CRY2: variants seen among roughly 807,000 people sequenced by gnomAD.
CRY2 encodes cryptochrome circadian regulator 2, also known as cryptochrome-2.
Under a neutral mutation model 69.5 loss-of-function variants are expected in CRY2, and 31 were observed. That is an observed-to-expected ratio of 0.45 (90% CI 0.34 to 0.60). The LOEUF (loss-of-function observed/expected upper bound fraction) is 0.60, where lower values mean the gene tolerates loss of function less well. CRY2 is among the 20% of genes least tolerant of loss of function. CRY2 has a pLI of 0.02. For missense variants in CRY2, 606 were observed against 797.8 expected (o/e 0.76, Z 2.90); for synonymous variants, 303 against 312.2 (o/e 0.97, Z 0.31).
intron 11 of CRY2, among the ~76,000 whole-genome samples, chr11:45,877,782 G>A (rs765072485): frequency 3.3e-5 from 5 of 151,974 alleles, no homozygotes; most frequent in Admixed American, 1.3e-4. Flanking sequence ...TTCTACAGAC[G>A]CATGCCCTAG....
chr11:45,859,545 GA>G (rs5791708), intron 3 of CRY2, among the ~76,000 whole-genome samples: 28,845 of 149,592 alleles, frequency 0.19, 3,051 homozygotes, highest in Non-Finnish European at 0.24. Context: ...CTGGGTGACA[GA>G]GCAAGATCCT....
chr11:45,855,979 C>T lies in CRY2; in HGVS notation c.216-3C>T, dbSNP rs1590762582. ...ACTAACAAGGCCTGTGTGGACTCCA[C>T]AGGTTCCTACTTCAGTCTCTGGAAG... On this transcript the variant is annotated splice_polypyrimidine_tract_variant and splice_region_variant and intron_variant, in intron 1 of 11. Coordinates refer to ENST00000616080, the MANE Select transcript of CRY2 (RefSeq NM_021117.5). 6.2e-7 allele frequency: 1 copy of T among 1,612,560 alleles called. No individual in the cohort carries two copies. The highest frequency in any genetic ancestry group is 1.1e-5 in the South Asian group (1 of 91,058).
At chr11:45,854,208 A>G (rs1187057411) in intron 1 of CRY2, among the ~76,000 whole-genome samples, 1 of 152,232 alleles carries the variant, frequency 6.6e-6, no homozygotes, top group Non-Finnish European at 1.5e-5. Flanking sequence ...GGTAGATAGC[A>G]GGTGCCTCAG....
At chr11:45,862,825 A>C (rs1031173722) in intron 5 of CRY2, among the ~76,000 whole-genome samples, 1 of 152,218 alleles carries the variant, frequency 6.6e-6, no homozygotes, top group Non-Finnish European at 1.5e-5. Context: ...GGGAGGAAAG[A>C]AGCCCAGGCC....
intron 3 of CRY2, among the ~76,000 whole-genome samples, 163 bp downstream of exon 3, chr11:45,859,036 G>GA (rs2086265116): frequency 1.3e-5 from 2 of 152,280 alleles, no homozygotes; most frequent in South Asian, 4.1e-4. Flanking sequence ...AGGACCTGTA[G>GA]AACAGGTCAC....
At chr11:45,850,924 A>G (rs2086195163) in intron 1 of CRY2, among the ~76,000 whole-genome samples, 1 of 152,184 alleles carries the variant, frequency 6.6e-6, no homozygotes, top group Non-Finnish European at 1.5e-5. Context: ...GAGAAATGCA[A>G]CCAAGAAATA....
At chr11:45,848,281 C>T (rs555805872) in intron 1 of CRY2, among the ~76,000 whole-genome samples, 24 of 152,174 alleles carry the variant, frequency 1.6e-4, no homozygotes, top group Non-Finnish European at 3.5e-4. Context: ...AAGGTCTTCT[C>T]CCCTATATTA....
intron 1 of CRY2, among the ~76,000 whole-genome samples, chr11:45,852,280 C>G (rs1280694830): frequency 6.6e-6 from 1 of 152,238 alleles, no homozygotes; most frequent in Non-Finnish European, 1.5e-5. Flanking sequence ...CCCAACACCA[C>G]CATCTCCAAT....
intron 5 of CRY2, among the ~76,000 whole-genome samples, chr11:45,865,056 G>C (rs182651544): frequency 7.7e-4 from 117 of 151,844 alleles, no homozygotes; most frequent in African/African-American, 2.7e-3. Flanking sequence ...CACCACACCC[G>C]GGCAGAAATA....
At chr11:45,878,385 G>A (rs1031754861) in intron 11 of CRY2, among the ~76,000 whole-genome samples, 1 of 152,188 alleles carries the variant, frequency 6.6e-6, no homozygotes, top group Admixed American at 6.5e-5. Flanking sequence ...GTTGGGCAAG[G>A]AGGACCTTTT....
At chr11:45,859,541 G>A (rs2086270112) in intron 3 of CRY2, among the ~76,000 whole-genome samples, 1 of 138,888 alleles carries the variant, frequency 7.2e-6, no homozygotes, top group East Asian at 2.0e-4. Context: ...CAGCCTGGGT[G>A]ACAGAGCAAG....
At chr11:45,870,561 A>G (rs778524958) in intron 9 of CRY2, 29 bp downstream of exon 9, 2 of 1,610,416 alleles carry the variant, frequency 1.2e-6, no homozygotes, top group Admixed American at 3.3e-5. Context: ...AGCTCACTGA[A>G]GGGAAGGACA....
intron 1 of CRY2, among the ~76,000 whole-genome samples, chr11:45,848,320 G>A (rs911114540): frequency 6.6e-6 from 1 of 152,174 alleles, no homozygotes; most frequent in African/African-American, 2.4e-5. Flanking sequence ...GCGTCTTCAG[G>A]TGGAGTCGCT....
intron 11 of CRY2, among the ~76,000 whole-genome samples, chr11:45,878,047 A>C (rs1164691047): frequency 6.6e-6 from 1 of 152,208 alleles, no homozygotes; most frequent in Non-Finnish European, 1.5e-5. Flanking sequence ...ATATGTCTGA[A>C]TTGTTATCAT....
intron 5 of CRY2, among the ~76,000 whole-genome samples, chr11:45,863,713 C>G (rs1370793988): frequency 6.6e-6 from 1 of 151,466 alleles, no homozygotes; most frequent in Non-Finnish European, 1.5e-5. Context: ...TGTGACTGTC[C>G]CTGACTCAAT....
intron 1 of CRY2, among the ~76,000 whole-genome samples, chr11:45,855,728 G>A (rs906589075): frequency 2.0e-5 from 3 of 152,182 alleles, no homozygotes; most frequent in Non-Finnish European, 4.4e-5. Flanking sequence ...CATTACCGGC[G>A]AGAAAACAGG....
intron 11 of CRY2, among the ~76,000 whole-genome samples, chr11:45,874,571 T>C (rs1565064179): frequency 6.6e-6 from 1 of 152,202 alleles, no homozygotes; most frequent in Admixed American, 6.5e-5. Context: ...TATGGTTGTA[T>C]ACAAGACTGG....
At chr11:45,874,802 G>C (rs2086413165) in intron 11 of CRY2, among the ~76,000 whole-genome samples, 1 of 152,094 alleles carries the variant, frequency 6.6e-6, no homozygotes, top group Non-Finnish European at 1.5e-5. Flanking sequence ...AATTAGCCAG[G>C]CGTGGTGGCA....
At chr11:45,872,057 C>T in intron 10 of CRY2, 35 bp from the exon 11 acceptor site, 1 of 1,610,766 alleles carries the variant, frequency 6.2e-7, no homozygotes, top group Non-Finnish European at 8.5e-7. Context: ...GCTGCATGCA[C>T]AGTCTGTGTG....
Sources: allele counts gnomAD v4.1 joint callset (sites outside exome capture counted in the v4.1 genomes callset), GRCh38; gene constraint gnomAD v4.1.1; transcripts MANE v1.5; gene names NCBI Gene and HGNC (gene_info 2026-07-23, HGNC 2026-07-21).